Variants in CSMD1 observed in about 807,000 individuals in gnomAD.
CSMD1 encodes CUB and Sushi multiple domains 1.
In CSMD1, 213 loss-of-function variants were observed where a neutral mutation model predicts 417.5. The observed-to-expected ratio is 0.51, with a 90% CI of 0.46 to 0.57. The LOEUF is 0.57. Ranked by LOEUF, CSMD1 falls within the 20% of genes least tolerant of loss-of-function variation. CSMD1 has a pLI of 0.00. For missense variants in CSMD1, 6,923 were observed against 4,529.7 expected (o/e 1.53, Z -15.17); for synonymous variants, 2,862 against 1,736.8 (o/e 1.65, Z -16.11).
chr8:4,454,179 C>T (rs1477663250), intron 2 of CSMD1, among the ~76,000 whole-genome samples: 2 of 152,014 alleles, frequency 1.3e-5, no homozygotes, highest in African/African-American at 4.8e-5. Context: ...TTATCAGTTC[C>T]TACCCCATTC....
chr8:4,974,049 C>G (rs913787612), intron 1 of CSMD1, among the ~76,000 whole-genome samples: 6 of 152,156 alleles, frequency 3.9e-5, no homozygotes, highest in African/African-American at 1.4e-4. Flanking sequence ...TAGACAGAGT[C>G]TCACCCTGTT....
intron 3 of CSMD1, among the ~76,000 whole-genome samples, chr8:4,153,040 T>C (rs1043875927): frequency 6.6e-6 from 1 of 152,208 alleles, no homozygotes; most frequent in African/African-American, 2.4e-5. Context: ...TAAAATGACT[T>C]GTAACGTGTT....
At chr8:4,948,725 C>T (rs11136808) in intron 1 of CSMD1, among the ~76,000 whole-genome samples, 40,106 of 151,922 alleles carry the variant, frequency 0.26, 6,324 homozygotes, top group East Asian at 0.38. Context: ...ATGTAGGCAT[C>T]TGTACCATTT....
intron 6 of CSMD1, among the ~76,000 whole-genome samples, chr8:3,752,205 C>T (rs541797238): frequency 9.2e-5 from 14 of 152,148 alleles, no homozygotes; most frequent in African/African-American, 2.4e-4. Context: ...AAAGGAGGAT[C>T]GGCCTGGCCT....
intron 1 of CSMD1, among the ~76,000 whole-genome samples, chr8:4,674,347 G>A (rs1382747245): frequency 6.6e-6 from 1 of 152,108 alleles, no homozygotes; most frequent in African/African-American, 2.4e-5. Flanking sequence ...AAACGCAAGT[G>A]GAAATAGATA....
At chr8:4,489,954 G>A (rs1255000319) in intron 2 of CSMD1, among the ~76,000 whole-genome samples, 1 of 151,860 alleles carries the variant, frequency 6.6e-6, no homozygotes, top group Non-Finnish European at 1.5e-5. Context: ...TCGTCATTAA[G>A]TAGCAACAGG....
chr8:4,911,233 A>G (rs1292177955), intron 1 of CSMD1, among the ~76,000 whole-genome samples: 1 of 152,360 alleles, frequency 6.6e-6, no homozygotes, highest in South Asian at 2.1e-4. Context: ...TGTCTGCTCC[A>G]TCAGTTTCAA....
chr8:3,193,583 T>C (rs185733759), intron 33 of CSMD1, among the ~76,000 whole-genome samples: 4 of 152,184 alleles, frequency 2.6e-5, no homozygotes, highest in African/African-American at 9.6e-5. Context: ...CTATTGTCTG[T>C]CGTCATCATT....
At chr8:3,019,659 C>T (rs891061867) in intron 51 of CSMD1, among the ~76,000 whole-genome samples, 1 of 152,184 alleles carries the variant, frequency 6.6e-6, no homozygotes, top group Non-Finnish European at 1.5e-5. Context: ...CCCTATGCCC[C>T]ATGTTTACAC....
intron 3 of CSMD1, among the ~76,000 whole-genome samples, chr8:4,087,096 C>T (rs957122393): frequency 1.3e-5 from 2 of 152,224 alleles, no homozygotes; most frequent in African/African-American, 2.4e-5. Flanking sequence ...AGCCTTTCTT[C>T]CTGGAGCAAC....
chr8:3,614,347 C>T (rs943139031), intron 8 of CSMD1, among the ~76,000 whole-genome samples: 1 of 151,520 alleles, frequency 6.6e-6, no homozygotes, highest in African/African-American at 2.4e-5. Flanking sequence ...TCTCCCTACA[C>T]CGCCCCCCGA....
intron 1 of CSMD1, among the ~76,000 whole-genome samples, chr8:4,694,593 G>A (rs1480418803): frequency 6.6e-6 from 1 of 151,906 alleles, no homozygotes; most frequent in African/African-American, 2.4e-5. Context: ...TTGATCTCCT[G>A]ACCTCATGAC....
chr8:4,582,318 T>C (rs913095121), intron 2 of CSMD1, among the ~76,000 whole-genome samples: 1 of 152,176 alleles, frequency 6.6e-6, no homozygotes, highest in Non-Finnish European at 1.5e-5. Context: ...CCAAGTCTCC[T>C]GCAGAGCCAA....
chr8:4,106,077 T>A (rs1266402035), intron 3 of CSMD1, among the ~76,000 whole-genome samples: 1 of 152,174 alleles, frequency 6.6e-6, no homozygotes, highest in African/African-American at 2.4e-5. Context: ...GAGAAAGAGC[T>A]ATGTAGAGTC....
chr8:4,941,203 C>A (rs1279706505), intron 1 of CSMD1, among the ~76,000 whole-genome samples: 1 of 152,136 alleles, frequency 6.6e-6, no homozygotes, highest in Admixed American at 6.5e-5. Flanking sequence ...AACATTCATT[C>A]TTGTTTCAAA....
intron 1 of CSMD1, among the ~76,000 whole-genome samples, chr8:4,643,843 A>C (rs2130874976): frequency 6.6e-6 from 1 of 152,304 alleles, no homozygotes; most frequent in Non-Finnish European, 1.5e-5. Context: ...ACTTCGATTA[A>C]GGGTTTTCAG....
rs149889870 is a variant in CSMD1 at position 4,776,320 on chromosome 8, T to C, written c.86-138762A>G. 1.1e-3 allele frequency among the ~76,000 whole-genome samples: 168 copies of C among 152,336 alleles called. 1 individual carries two copies. Among genetic ancestry groups the C allele is most frequent in the Admixed American group, 6.7e-3 (102 of 15,296 alleles). On this transcript the variant is annotated intron_variant, in intron 1 of 69. Coordinates refer to ENST00000635120, the MANE Select transcript of CSMD1 (RefSeq NM_033225.6). ...TAATATTACTTGTTGCTAGTTTTAATATTAATATGAAAATATTGCTACTAA... is the reference window on the plus strand; with the variant it reads ...TAATATTACTTGTTGCTAGTTTTAACATTAATATGAAAATATTGCTACTAA...
At chr8:4,180,034 C>T (rs1198656027) in intron 3 of CSMD1, among the ~76,000 whole-genome samples, 2 of 152,106 alleles carry the variant, frequency 1.3e-5, no homozygotes, top group Admixed American at 1.3e-4. Context: ...TCCTCAAGGA[C>T]CTAGAACTGG....
chr8:4,931,389 C>T (rs373332639), intron 1 of CSMD1, among the ~76,000 whole-genome samples: 3 of 152,166 alleles, frequency 2.0e-5, no homozygotes, highest in African/African-American at 7.2e-5. Flanking sequence ...GCTAATACTT[C>T]CTGAGTGACA....
Sources: allele counts gnomAD v4.1 joint callset (sites outside exome capture counted in the v4.1 genomes callset), GRCh38; gene constraint gnomAD v4.1.1; transcripts MANE v1.5; gene names NCBI Gene and HGNC (gene_info 2026-07-23, HGNC 2026-07-21).